USP6NL: variants seen among roughly 807,000 people sequenced by gnomAD.
The protein encoded by USP6NL is USP6 N-terminal-like protein.
USP6NL carries 26 observed loss-of-function variants against 61.9 expected under a neutral mutation model. The observed-to-expected ratio is 0.42, with a 90% CI of 0.31 to 0.58. USP6NL has a LOEUF of 0.58. USP6NL is among the 20% of genes least tolerant of loss of function. The probability of loss-of-function intolerance (pLI) is 0.16; values close to 1 mark genes in which losing one functional copy is unlikely to be tolerated. For missense variants in USP6NL, 1,114 were observed against 1,034.3 expected (o/e 1.08, Z -1.06); for synonymous variants, 432 against 390.1 (o/e 1.11, Z -1.27).
chr10:11,479,776 C>T (rs1465323756), intron 14 of USP6NL, among the ~76,000 whole-genome samples: 1 of 151,958 alleles, frequency 6.6e-6, no homozygotes, highest in African/African-American at 2.4e-5. Context: ...GGGGTTTCAC[C>T]GTGTTAGCCA....
At position 11,528,465 on chromosome 10, in the gene USP6NL, G is replaced by A; in HGVS notation, c.5-898C>T. ...CAGGCAGCAAATACTGTGCTAATAA[G>A]CACTTTACCCTGCCTTACCACATGA... On this transcript the variant is annotated intron_variant, in intron 2 of 14. Transcript: ENST00000609104. The surrounding 1 kb of genome is among the most constrained non-coding windows in gnomAD (Gnocchi z 4.6). 6.6e-6 allele frequency among the ~76,000 whole-genome samples: 1 copy of A among 152,088 alleles called. No individual in the cohort carries two copies. Among genetic ancestry groups the A allele is most frequent in the East Asian group, 1.9e-4 (1 of 5,188 alleles).
rs917494056 is a variant in USP6NL at position 11,470,278 on chromosome 10, C to G, written c.1079-6429G>C. ...GCCGCAGGGAACCTCATGGAGGGCC[C>G]GCGGGGACTCGCTGGCTTTTCACAG... On this transcript the variant is annotated intron_variant, in intron 14 of 14. Coordinates refer to ENST00000609104, the MANE Select transcript of USP6NL (RefSeq NM_014688.5). The surrounding 1 kb of genome is among the most constrained non-coding windows in gnomAD (Gnocchi z 5.4). Among the ~76,000 whole-genome samples, 1 of 152,140 alleles carries G rather than the reference C, an allele frequency of 6.6e-6. No individual in the cohort carries two copies. Among genetic ancestry groups the G allele is most frequent in the African/African-American group, 2.4e-5 (1 of 41,418 alleles).
chr10:11,549,348 C>T lies in USP6NL; in HGVS notation c.5-21781G>A, dbSNP rs538256048. Among the ~76,000 whole-genome samples, 8 of 152,202 alleles carry T rather than the reference C, an allele frequency of 5.3e-5. No individual in the cohort carries two copies. In the East Asian group the frequency reaches 9.6e-4, roughly 18 times the overall value. ...TATATGATATGTTCCAAACAGCAGGCCTATCTAGTTATTATTGATCTGTAG... is the reference window on the plus strand; with the variant it reads ...TATATGATATGTTCCAAACAGCAGGTCTATCTAGTTATTATTGATCTGTAG... On this transcript the variant is annotated intron_variant, in intron 2 of 14. Transcript: ENST00000609104.
At chr10:11,577,748 G>A (rs190964114) in intron 2 of USP6NL, among the ~76,000 whole-genome samples, 2 of 151,560 alleles carry the variant, frequency 1.3e-5, no homozygotes, top group African/African-American at 2.4e-5. Flanking sequence ...TGACCCGCCT[G>A]CCTCGGCCCC....
chr10:11,506,476 T>C (rs1365422291), intron 6 of USP6NL, among the ~76,000 whole-genome samples: 1 of 151,888 alleles, frequency 6.6e-6, no homozygotes. Context: ...ACCCTATCTC[T>C]AGAAAAATAA....
At chr10:11,483,608 GGGGAGA>G (rs1833316362) in intron 13 of USP6NL, among the ~76,000 whole-genome samples, 1 of 17,378 alleles carries the variant, frequency 5.8e-5, no homozygotes, top group Non-Finnish European at 1.2e-4. Context: ...GAGGGGGGAG[GGGGAGA>G]GGGGGGGAGA....
chr10:11,547,601 A>G (rs900144245), intron 2 of USP6NL, among the ~76,000 whole-genome samples: 24 of 147,988 alleles, frequency 1.6e-4, no homozygotes, highest in East Asian at 6.0e-4. Context: ...GTGCAGTGGC[A>G]CGATCTCAGC....
At chr10:11,517,136 T>C (rs1227086005) in intron 5 of USP6NL, among the ~76,000 whole-genome samples, 2 of 152,262 alleles carry the variant, frequency 1.3e-5, no homozygotes, top group Non-Finnish European at 2.9e-5. Flanking sequence ...AAAGACACTG[T>C]AACACTTGAA....
At chr10:11,559,147 G>A (rs1836827774) in intron 2 of USP6NL, among the ~76,000 whole-genome samples, 1 of 152,108 alleles carries the variant, frequency 6.6e-6, no homozygotes, top group South Asian at 2.1e-4. Flanking sequence ...AGGGGTGTGT[G>A]TGTACCCAGG....
At chr10:11,509,279 C>T (rs1834594958) in intron 6 of USP6NL, among the ~76,000 whole-genome samples, 1 of 152,166 alleles carries the variant, frequency 6.6e-6, no homozygotes, top group South Asian at 2.1e-4. Flanking sequence ...ATGGGGCTGA[C>T]AGTGCAGAAG....
At position 11,605,459 on chromosome 10, in the gene USP6NL, A is replaced by C. The variant is rs548200394; in HGVS notation, c.-84+5984T>G. On this transcript the variant is annotated intron_variant, in intron 1 of 14. Coordinates refer to ENST00000609104, the MANE Select transcript of USP6NL (RefSeq NM_014688.5). ...TTACCTAACCTATAATGACTGCTAG[A>C]AACACTTTTTCAAACACAATGACCA... Among the ~76,000 whole-genome samples the C allele has an allele frequency of 2.6e-5, 4 of 152,328 alleles. No homozygotes were observed. The South Asian group carries it at 8.3e-4, about 32-fold the overall frequency.
At chr10:11,610,278 TA>T (rs1838846974) in intron 1 of USP6NL, among the ~76,000 whole-genome samples, 1 of 152,188 alleles carries the variant, frequency 6.6e-6, no homozygotes, top group African/African-American at 2.4e-5. Context: ...AATGTTGTTA[TA>T]AAAGAATGGC....
In USP6NL at chr10:11,595,849, G is replaced by T. The variant is rs1044828158; in HGVS notation, c.4+1782C>A. ...AAGAGATAAAATAACAGAACCAATT[G>T]TTTTAAGTGGACATGAAAAAGAATT... On this transcript the variant is annotated intron_variant, in intron 2 of 14. Coordinates refer to ENST00000609104, the MANE Select transcript of USP6NL (RefSeq NM_014688.5). This position sits in a 1 kb window ranked among gnomAD's most constrained non-coding sequence, Gnocchi z 5.3. Among the ~76,000 whole-genome samples the T allele has an allele frequency of 6.6e-6, 1 of 152,138 alleles. No individual in the cohort carries two copies. Among genetic ancestry groups the T allele is most frequent in the Non-Finnish European group, 1.5e-5 (1 of 68,026 alleles).
At chr10:11,581,738 T>C (rs1379313160) in intron 2 of USP6NL, among the ~76,000 whole-genome samples, 1 of 152,232 alleles carries the variant, frequency 6.6e-6, no homozygotes, top group Non-Finnish European at 1.5e-5. Flanking sequence ...TTCATTTCCT[T>C]CATTTCTTTG....
At chr10:11,604,003 A>G (rs1477699237) in intron 1 of USP6NL, among the ~76,000 whole-genome samples, 1 of 152,228 alleles carries the variant, frequency 6.6e-6, no homozygotes, top group Non-Finnish European at 1.5e-5. Context: ...CAAATGTGTT[A>G]CAACTCTGCC....
chr10:11,507,287 C>T (rs2133333527), intron 6 of USP6NL, among the ~76,000 whole-genome samples: 1 of 152,306 alleles, frequency 6.6e-6, no homozygotes, highest in South Asian at 2.1e-4. Context: ...GTAATTACCA[C>T]TTGAGCAATC....
chr10:11,573,472 A>C (rs1187027343), intron 2 of USP6NL: 1 of 393,766 alleles, frequency 2.5e-6, no homozygotes, highest in Non-Finnish European at 4.5e-6. Context: ...TCCTTTTCAG[A>C]TACCATAATA....
Position 11,562,300 on chromosome 10 carries a change from T to A in USP6NL, c.5-34733A>T. ...AAAAATTGCATTCCCAGGACCCCCCTGCAGCTAGCAGCAGCCATGTGACAC... is the reference window on the plus strand; with the variant it reads ...AAAAATTGCATTCCCAGGACCCCCCAGCAGCTAGCAGCAGCCATGTGACAC... On this transcript the variant is annotated intron_variant, in intron 2 of 14. Transcript: ENST00000609104. This position sits in a 1 kb window ranked among gnomAD's most constrained non-coding sequence, Gnocchi z 4.8. 7.2e-5 allele frequency: 54 copies of A among 753,104 alleles called. No homozygotes were observed. The highest frequency in any genetic ancestry group is 8.3e-5 in the Non-Finnish European group (51 of 617,752). The allele number at this position is 753,104 out of a possible 1,614,324, so 46.7% of individuals were successfully genotyped here.
chr10:11,533,823 A>C (rs956810196), intron 2 of USP6NL, among the ~76,000 whole-genome samples: 1 of 152,212 alleles, frequency 6.6e-6, no homozygotes, highest in Non-Finnish European at 1.5e-5. Flanking sequence ...TGCCTATGAA[A>C]TGTCTCTTTG....
Sources: gnomAD v4.1 joint callset for allele counts (sites outside exome capture counted in the v4.1 genomes callset) on GRCh38, gnomAD v4.1.1 for gene constraint, Gnocchi (gnomAD v3.1) non-coding constraint, MANE v1.5 for transcripts, NCBI Gene and HGNC (gene_info 2026-07-23, HGNC 2026-07-21) for gene names.